The following GLIS3 variants were observed in gnomAD, a reference collection of about 807,000 sequenced individuals.
GLIS3 encodes the protein zinc finger protein GLIS3.
A neutral mutation model predicts 78.6 loss-of-function variants in GLIS3; 53 were observed. That is an observed-to-expected ratio of 0.67 (90% CI 0.54 to 0.85). GLIS3 has a LOEUF of 0.85. Among genes scored for constraint, GLIS3 ranks in the 40% least tolerant of loss-of-function variants. The pLI, the probability that GLIS3 is intolerant of heterozygous loss-of-function variation, is 0.00. For synonymous variants in GLIS3, 684 were observed against 509.9 expected (o/e 1.34, Z -4.60); for missense variants, 1,703 against 1,231.1 (o/e 1.38, Z -5.74).
chr9:3,934,431 A>AGTTTTTTTAAAAGTTTT (rs1417329048), intron 5 of GLIS3, among the ~76,000 whole-genome samples: 1 of 139,576 alleles, frequency 7.2e-6, no homozygotes, highest in African/African-American at 2.7e-5. Context: ...TTTTTTTGAG[A>AGTTTTTTTAAAAGTTTT]TGGAGTCGCA....
chr9:4,350,789 G>T (rs147271919), upstream of GLIS3, among the ~76,000 whole-genome samples: 2 of 147,940 alleles, frequency 1.4e-5, no homozygotes, highest in Admixed American at 1.3e-4. Flanking sequence ...AAAACATCAG[G>T]GTTTGTTTTG....
At chr9:4,060,950 G>C (rs1252499568) in intron 4 of GLIS3, among the ~76,000 whole-genome samples, 2 of 152,154 alleles carry the variant, frequency 1.3e-5, no homozygotes, top group African/African-American at 4.8e-5. Flanking sequence ...TCTAGACTCA[G>C]AGCCTGCCTG....
intron 6 of GLIS3, among the ~76,000 whole-genome samples, chr9:3,909,122 G>A (rs1294398342): frequency 6.6e-6 from 1 of 152,206 alleles, no homozygotes; most frequent in African/African-American, 2.4e-5. Context: ...CAGAAGGAAA[G>A]ACAGTAGGAT....
intron 4 of GLIS3, among the ~76,000 whole-genome samples, chr9:4,114,506 T>G (rs1482872644): frequency 6.6e-6 from 1 of 152,174 alleles, no homozygotes; most frequent in African/African-American, 2.4e-5. Context: ...CAGTTATAGC[T>G]GATAATGCTC....
intron 2 of GLIS3, among the ~76,000 whole-genome samples, chr9:4,326,326 T>C (rs1817598558): frequency 6.6e-6 from 1 of 152,200 alleles, no homozygotes; most frequent in Non-Finnish European, 1.5e-5. Flanking sequence ...AGTGGATAAA[T>C]GGATAAACAA....
chr9:4,363,738 T>C, the GLIS3 span, among the ~76,000 whole-genome samples: 7 of 152,120 alleles, frequency 4.6e-5, no homozygotes, highest in African/African-American at 1.7e-4. Flanking sequence ...GCTCTACCCA[T>C]AGAAATTTCA....
At chr9:4,265,171 C>CAA (rs748851157) in intron 2 of GLIS3, among the ~76,000 whole-genome samples, 923 of 84,214 alleles carry the variant, frequency 0.011, 11 homozygotes, top group African/African-American at 0.036. Context: ...GACGCCGTCT[C>CAA]AAAAAAAAAA....
chr9:4,341,274 G>A (rs935789443), intron 2 of GLIS3, among the ~76,000 whole-genome samples: 10 of 152,170 alleles, frequency 6.6e-5, no homozygotes, highest in Non-Finnish European at 1.3e-4. Flanking sequence ...GGAGCTTAAA[G>A]CTCTCCTGGC....
the GLIS3 span, among the ~76,000 whole-genome samples, chr9:4,403,780 T>G: frequency 1.2e-4 from 18 of 151,616 alleles, no homozygotes; most frequent in African/African-American, 4.1e-4. Flanking sequence ...TCACCTTCAT[T>G]AAAAAGAAGA....
At chr9:4,215,327 ATGTGTGTGTGTGTG>A (rs34915075) in intron 2 of GLIS3, among the ~76,000 whole-genome samples, 4 of 150,446 alleles carry the variant, frequency 2.7e-5, no homozygotes, top group East Asian at 2.0e-4. Context: ...GTGTGTGCAT[ATGTGTGTGTGTGTG>A]TGTGTGTGTG....
intron 4 of GLIS3, among the ~76,000 whole-genome samples, chr9:4,097,231 T>C (rs891651753): frequency 3.9e-5 from 6 of 152,074 alleles, no homozygotes; most frequent in African/African-American, 1.2e-4. Context: ...AGAACTGATA[T>C]TGCCTCTACC....
intron 8 of GLIS3, among the ~76,000 whole-genome samples, chr9:3,877,677 C>G (rs1341746638): frequency 1.3e-5 from 2 of 152,152 alleles, no homozygotes; most frequent in African/African-American, 4.8e-5. Flanking sequence ...CTCCTCTTTG[C>G]TCCACATATA....
At chr9:4,278,366 G>A (rs1328923846) in intron 2 of GLIS3, among the ~76,000 whole-genome samples, 1 of 152,128 alleles carries the variant, frequency 6.6e-6, no homozygotes, top group Non-Finnish European at 1.5e-5. Flanking sequence ...TATGGGGCAC[G>A]CAAATAAAAG....
chr9:4,046,198 A>G (rs1036848741), intron 4 of GLIS3, among the ~76,000 whole-genome samples: 3 of 152,206 alleles, frequency 2.0e-5, no homozygotes, highest in African/African-American at 7.2e-5. Context: ...TTCAAAGTTG[A>G]TACTCACCTT....
chr9:4,287,488 A>C (rs910810261), intron 1 of GLIS3, among the ~76,000 whole-genome samples: 10 of 152,206 alleles, frequency 6.6e-5, no homozygotes, highest in African/African-American at 2.4e-4. Flanking sequence ...AATGTATGCG[A>C]TGAGGTGGTA....
chr9:3,957,271 A>T (rs1817185159), intron 4 of GLIS3, among the ~76,000 whole-genome samples: 1 of 152,264 alleles, frequency 6.6e-6, no homozygotes, highest in Non-Finnish European at 1.5e-5. Context: ...TTGTTGATGC[A>T]GTAATCAATG....
chr9:4,465,342 G>C, the GLIS3 span, among the ~76,000 whole-genome samples: 413 of 152,342 alleles, frequency 2.7e-3, 4 homozygotes, highest in African/African-American at 8.9e-3. Context: ...GAGGTCGGGA[G>C]TTCGAGACCA....
At chr9:4,413,574 TA>T in the GLIS3 span, among the ~76,000 whole-genome samples, 1 of 152,082 alleles carries the variant, frequency 6.6e-6, no homozygotes, top group Non-Finnish European at 1.5e-5. Context: ...GGGTAATCAT[TA>T]GCTTGCCAAA....
At chr9:4,030,001 G>GT (rs1188150166) in intron 4 of GLIS3, among the ~76,000 whole-genome samples, 2 of 151,922 alleles carry the variant, frequency 1.3e-5, no homozygotes, top group African/African-American at 4.8e-5. Flanking sequence ...CTCAATTTTT[G>GT]TTTTTTTGAG....
Sources: gnomAD v4.1 joint callset for allele counts (sites outside exome capture counted in the v4.1 genomes callset) on GRCh38, gnomAD v4.1.1 for gene constraint, MANE v1.5 for transcripts, NCBI Gene and HGNC (gene_info 2026-07-23, HGNC 2026-07-21) for gene names.